Variants in COL4A6 observed in about 807,000 individuals in gnomAD.
COL4A6 encodes collagen type IV alpha 6 chain, also known as collagen alpha-6(IV) chain.
In COL4A6, 59 loss-of-function variants were observed where a neutral mutation model predicts 126.7. That is an observed-to-expected ratio of 0.47 (90% CI 0.38 to 0.58). COL4A6 has a LOEUF of 0.58. Among genes scored for constraint, COL4A6 ranks in the 20% least tolerant of loss-of-function variants. The probability of loss-of-function intolerance (pLI) is 0.00; values close to 1 mark genes in which losing one functional copy is unlikely to be tolerated. For synonymous variants in COL4A6, 547 were observed against 496.6 expected, an observed-to-expected ratio of 1.10 and a Z score of -1.35; for missense variants, 1,285 against 1,337.3, an observed-to-expected ratio of 0.96 and a Z score of 0.61.
intron 20 of COL4A6, among the ~76,000 whole-genome samples, chrX:108,189,774 G>C (rs1266716): frequency 0.028 from 3,106 of 112,207 alleles, 52 homozygotes; most frequent in Non-Finnish European, 0.044. Context: ...CTCTGTTTGA[G>C]GCTGAGGAAA....
intron 2 of COL4A6, among the ~76,000 whole-genome samples, chrX:108,366,670 A>G (rs866055312): frequency 5.4e-5 from 6 of 112,034 alleles, no homozygotes; most frequent in Admixed American, 2.8e-4. Flanking sequence ...AACCAGTTCC[A>G]ATCTCTAAAT....
chrX:108,370,406 T>G (rs963946965), intron 2 of COL4A6, among the ~76,000 whole-genome samples: 1 of 111,294 alleles, frequency 9.0e-6, no homozygotes, highest in Non-Finnish European at 1.9e-5. Context: ...AAGGACCGGA[T>G]GGAGAAATAG....
intron 2 of COL4A6, among the ~76,000 whole-genome samples, chrX:108,352,079 C>T (rs1401228814): frequency 1.8e-5 from 2 of 112,792 alleles, no homozygotes; most frequent in African/African-American, 6.4e-5. Flanking sequence ...ACTCTGCCTG[C>T]GGCCTTTTCT....
At chrX:108,239,942 T>C (rs1052736083) in intron 3 of COL4A6, among the ~76,000 whole-genome samples, 2 of 112,226 alleles carry the variant, frequency 1.8e-5, no homozygotes, top group Non-Finnish European at 3.8e-5. Flanking sequence ...GGTATTTTCA[T>C]TAGAATGGCA....
In COL4A6 at chrX:108,431,056, G is replaced by C. The variant is rs960185573; in HGVS notation, c.63+6886C>G. Among the ~76,000 whole-genome samples the C allele has an allele frequency of 5.4e-5, 6 of 111,308 alleles. No individual in the cohort carries two copies. In the South Asian group the frequency reaches 1.9e-3, roughly 35 times the overall value. ...GGCATAGTTAAAACCATTGAGGCAA[G>C]AAGACAGTAAAGAATTAAGTTTTGG... On this transcript the variant is annotated intron_variant, in intron 2 of 44. Transcript: ENST00000334504.
chrX:108,382,962 A>AAATAAAAATAAT (rs2040591948), intron 2 of COL4A6, among the ~76,000 whole-genome samples: 1 of 88,304 alleles, frequency 1.1e-5, no homozygotes, highest in Non-Finnish European at 2.2e-5. Flanking sequence ...CCCCCGCCAA[A>AAATAAAAATAAT]AATAATAATA....
chrX:108,219,477 A>G (rs772695271), intron 5 of COL4A6, among the ~76,000 whole-genome samples: 1 of 111,799 alleles, frequency 8.9e-6, no homozygotes, highest in African/African-American at 3.2e-5. Flanking sequence ...TTATGGCTAC[A>G]CAGGTCCCTC....
chrX:108,216,208 T>A (rs1246707372), intron 5 of COL4A6, among the ~76,000 whole-genome samples: 1 of 112,331 alleles, frequency 8.9e-6, no homozygotes, highest in African/African-American at 3.2e-5. Flanking sequence ...TGTTTACACT[T>A]TCCTACCTTA....
At chrX:108,276,052 T>C (rs1388670102) in intron 3 of COL4A6, among the ~76,000 whole-genome samples, 2 of 112,879 alleles carry the variant, frequency 1.8e-5, no homozygotes, top group African/African-American at 6.4e-5. Context: ...CAAATGTTAG[T>C]TCCAAGTGAG....
At chrX:108,161,513 C>T (rs1265593884) in intron 42 of COL4A6, 106 bp downstream of exon 42, 4 of 513,440 alleles carry the variant, frequency 7.8e-6, no homozygotes, top group Non-Finnish European at 1.0e-5. Flanking sequence ...AGCTCTACCA[C>T]TGGGTTTATT....
intron 8 of COL4A6, 190 bp from the exon 9 acceptor site, chrX:108,206,770 A>C: frequency 1.9e-6 from 1 of 531,827 alleles, no homozygotes; most frequent in Non-Finnish European, 3.4e-6. Context: ...AGTGGAATAA[A>C]TGCCTACAAT....
At chrX:108,286,581 C>A (rs756363784) in intron 3 of COL4A6, among the ~76,000 whole-genome samples, 1 of 111,363 alleles carries the variant, frequency 9.0e-6, no homozygotes, top group Non-Finnish European at 1.9e-5. Context: ...TGAGATATTT[C>A]TTTTTTTAGA....
Position 108,362,987 on chromosome X carries a change from C to T in COL4A6, c.64-52159G>A, listed in dbSNP as rs189501597. Among the ~76,000 whole-genome samples the T allele has an allele frequency of 3.0e-3, 336 of 112,058 alleles. 1 individual carries two copies. Among genetic ancestry groups the T allele is most frequent in the African/African-American group, 0.01 (315 of 30,871 alleles). ...CCCTTGAGTGCAGAAGAATTCAAGACAATGAAGTCTCCTGGTCTAGATACT... is the reference window on the plus strand; with the variant it reads ...CCCTTGAGTGCAGAAGAATTCAAGATAATGAAGTCTCCTGGTCTAGATACT... On this transcript the variant is annotated intron_variant, in intron 2 of 44. Transcript: ENST00000334504.
chrX:108,291,538 G>A (rs1418876984), intron 3 of COL4A6, among the ~76,000 whole-genome samples: 3 of 110,620 alleles, frequency 2.7e-5, no homozygotes, highest in Non-Finnish European at 3.8e-5. Flanking sequence ...AAGACATATA[G>A]GCTTTTTCTA....
intron 43 of COL4A6, among the ~76,000 whole-genome samples, chrX:108,160,186 T>C (rs751110064): frequency 1.8e-5 from 2 of 112,495 alleles, no homozygotes; most frequent in South Asian, 7.4e-4. Flanking sequence ...GATTGATTCA[T>C]GCAATCTTTC....
intron 2 of COL4A6, among the ~76,000 whole-genome samples, chrX:108,435,820 C>T (rs975961138): frequency 8.9e-6 from 1 of 111,958 alleles, no homozygotes; most frequent in Non-Finnish European, 1.9e-5. Context: ...GAGACTTTCT[C>T]ATAGCAAAAC....
intron 44 of COL4A6, among the ~76,000 whole-genome samples, chrX:108,157,924 GACC>G (rs1181432417): frequency 9.0e-6 from 1 of 111,654 alleles, no homozygotes; most frequent in Non-Finnish European, 1.9e-5. Context: ...CTATCATCTG[GACC>G]ACAAGGAGAT....
At chrX:108,233,866 G>A (rs943167282) in intron 3 of COL4A6, among the ~76,000 whole-genome samples, 8 of 112,101 alleles carry the variant, frequency 7.1e-5, no homozygotes, top group Non-Finnish European at 1.3e-4. Flanking sequence ...CTATGGACTA[G>A]TAAAGCCCTC....
intron 2 of COL4A6, among the ~76,000 whole-genome samples, chrX:108,359,905 G>C (rs1349849978): frequency 8.9e-6 from 1 of 112,250 alleles, no homozygotes; most frequent in Non-Finnish European, 1.9e-5. Flanking sequence ...TACTTGTGTA[G>C]AGTCAACAGA....
Sources: allele counts gnomAD v4.1 joint callset (sites outside exome capture counted in the v4.1 genomes callset), GRCh38; gene constraint gnomAD v4.1.1; transcripts MANE v1.5; gene names NCBI Gene and HGNC (gene_info 2026-07-23, HGNC 2026-07-21).